The following SRGAP3 variants were observed in gnomAD, a reference collection of about 807,000 sequenced individuals.
The protein encoded by SRGAP3 is SLIT-ROBO Rho GTPase activating protein 3.
SRGAP3 carries 39 observed loss-of-function variants against 121.1 expected under a neutral mutation model. That is an observed-to-expected ratio of 0.32 (90% CI 0.25 to 0.42). The LOEUF (loss-of-function observed/expected upper bound fraction) is 0.42. SRGAP3 is among the 10% of genes least tolerant of loss of function. The probability of loss-of-function intolerance (pLI) is 1.00; values close to 1 mark genes in which losing one functional copy is unlikely to be tolerated. For missense variants in SRGAP3, 1,213 were observed against 1,470.6 expected, an observed-to-expected ratio of 0.82 and a Z score of 2.86; for synonymous variants, 601 against 570.0, an observed-to-expected ratio of 1.05 and a Z score of -0.77.
chr3:9,182,620 C>T (rs886787975), intron 1 of SRGAP3, among the ~76,000 whole-genome samples: 16 of 152,094 alleles, frequency 1.1e-4, no homozygotes, highest in African/African-American at 3.9e-4. Flanking sequence ...GACACTAATA[C>T]AAATATTTAT....
At chr3:9,204,481 A>G (rs945373122) in intron 1 of SRGAP3, among the ~76,000 whole-genome samples, 2 of 152,204 alleles carry the variant, frequency 1.3e-5, no homozygotes, top group African/African-American at 4.8e-5. Context: ...TGTGACAAAC[A>G]CTGGCTGTCT....
Position 8,983,410 on chromosome 3 carries a change from T to G in SRGAP3, c.*2109A>C, listed in dbSNP as rs60940618. ...TTCCTCTCCTGATGCTCCCTTCCAC[T>G]GTGGGGTGTCAAGTCCAGTCCTTCA... On this transcript the variant is annotated 3_prime_UTR_variant, in exon 22 of 22. Transcript: ENST00000383836. The G allele has an allele frequency of 0.098, 22,447 of 229,602 alleles. 1,218 individuals carry two copies. The highest frequency in any genetic ancestry group is 0.12 in the South Asian group (684 of 5,476). The allele number at this position is 229,602 out of a possible 1,614,324, so 14.2% of individuals were successfully genotyped here.
At chr3:9,319,781 C>T (rs1955410336) in intron 3 of SRGAP3, among the ~76,000 whole-genome samples, 2 of 151,756 alleles carry the variant, frequency 1.3e-5, no homozygotes, top group African/African-American at 4.8e-5. Flanking sequence ...GGTGTGTTTG[C>T]CCTTTAGTTG....
intron 1 of SRGAP3, among the ~76,000 whole-genome samples, chr3:9,232,021 A>T (rs1399128354): frequency 6.6e-6 from 1 of 152,200 alleles, no homozygotes; most frequent in African/African-American, 2.4e-5. Context: ...TTAAAAGGTT[A>T]AGCTGAACTT....
chr3:9,010,262 G>A (rs1382469652), intron 18 of SRGAP3, 46 bp downstream of exon 18: 2 of 1,609,320 alleles, frequency 1.2e-6, no homozygotes, highest in Admixed American at 3.3e-5. Context: ...GTCAGTGTGA[G>A]AGGCCCCAGG....
intron 1 of SRGAP3, among the ~76,000 whole-genome samples, chr3:9,189,358 C>T (rs549915388): frequency 1.2e-4 from 19 of 152,346 alleles, no homozygotes; most frequent in Admixed American, 4.6e-4. Flanking sequence ...TATTCTCCAT[C>T]AAATCGTTTG....
intron 1 of SRGAP3, among the ~76,000 whole-genome samples, chr3:9,227,241 T>A (rs1953019606): frequency 6.6e-6 from 1 of 152,230 alleles, no homozygotes; most frequent in African/African-American, 2.4e-5. Context: ...ATGAATTCAT[T>A]TTTGTAAATC....
At chr3:9,068,467 T>A (rs1339368326) in intron 4 of SRGAP3, among the ~76,000 whole-genome samples, 1 of 152,172 alleles carries the variant, frequency 6.6e-6, no homozygotes, top group Non-Finnish European at 1.5e-5. Flanking sequence ...AATCCCATGC[T>A]TGGAGAAGAC....
intron 1 of SRGAP3, among the ~76,000 whole-genome samples, chr3:9,331,461 C>T (rs576782402): frequency 9.2e-5 from 14 of 152,296 alleles, no homozygotes; most frequent in Admixed American, 7.8e-4. Flanking sequence ...CTCAGCTGAG[C>T]TGGCTGGCTC....
intron 1 of SRGAP3, among the ~76,000 whole-genome samples, chr3:9,144,648 A>G (rs1196443770): frequency 3.3e-5 from 5 of 151,774 alleles, no homozygotes; most frequent in Non-Finnish European, 7.4e-5. Flanking sequence ...CTTCTTCCTC[A>G]TTTTCTCTTG....
chr3:9,309,996 C>A (rs1955216027), intron 3 of SRGAP3, among the ~76,000 whole-genome samples: 1 of 152,172 alleles, frequency 6.6e-6, no homozygotes, highest in African/African-American at 2.4e-5. Context: ...CTAGAGAGGA[C>A]CCTGACATCT....
intron 1 of SRGAP3, among the ~76,000 whole-genome samples, chr3:9,140,604 C>T (rs1188911459): frequency 6.6e-6 from 1 of 152,170 alleles, no homozygotes; most frequent in Admixed American, 6.5e-5. Context: ...CAGGCCATAT[C>T]ATCTCTATTA....
chr3:9,032,934 C>T (rs1224867745), intron 11 of SRGAP3, among the ~76,000 whole-genome samples, 182 bp from the exon 12 acceptor site: 1 of 151,994 alleles, frequency 6.6e-6, no homozygotes, highest in Non-Finnish European at 1.5e-5. Flanking sequence ...TTTAGGGGAC[C>T]TTAATTTACC....
intron 3 of SRGAP3, among the ~76,000 whole-genome samples, chr3:9,266,588 G>A (rs2668348): frequency 0.23 from 34,559 of 151,922 alleles, 4,195 homozygotes; most frequent in Non-Finnish European, 0.28. Context: ...ATCATCTCTC[G>A]GCTCCACTCC....
chr3:9,019,692 A>G (rs978559469), intron 14 of SRGAP3, among the ~76,000 whole-genome samples: 6 of 152,216 alleles, frequency 3.9e-5, no homozygotes, highest in African/African-American at 1.4e-4. Context: ...CCTAGCCCCA[A>G]CATGCTTCAG....
At chr3:9,001,545 A>G (rs913843550) in intron 18 of SRGAP3, among the ~76,000 whole-genome samples, 19 of 152,220 alleles carry the variant, frequency 1.2e-4, no homozygotes, top group African/African-American at 4.6e-4. Context: ...AGACACACAG[A>G]AAACAAGAAG....
At chr3:9,255,466 C>T (rs1954111621) in intron 3 of SRGAP3, among the ~76,000 whole-genome samples, 1 of 152,224 alleles carries the variant, frequency 6.6e-6, no homozygotes, top group African/African-American at 2.4e-5. Flanking sequence ...CTTACATTCT[C>T]ACAGGTTGGC....
intron 3 of SRGAP3, among the ~76,000 whole-genome samples, chr3:9,304,019 A>T (rs4686341): frequency 0.2 from 29,978 of 152,018 alleles, 4,659 homozygotes; most frequent in African/African-American, 0.43. Context: ...GAGCTATAAT[A>T]ACTTCGTCTG....
At chr3:9,005,995 T>C (rs927190676) in intron 18 of SRGAP3, among the ~76,000 whole-genome samples, 2 of 152,218 alleles carry the variant, frequency 1.3e-5, no homozygotes, top group African/African-American at 4.8e-5. Flanking sequence ...GTATAAGGCC[T>C]GAGCCAAATG....
Sources: allele counts gnomAD v4.1 joint callset (sites outside exome capture counted in the v4.1 genomes callset), GRCh38; gene constraint gnomAD v4.1.1; transcripts MANE v1.5; gene names NCBI Gene and HGNC (gene_info 2026-07-23, HGNC 2026-07-21).